Variants in HECW1 observed in about 807,000 individuals in gnomAD.
HECW1 encodes E3 ubiquitin-protein ligase HECW1.
A neutral mutation model predicts 182.3 loss-of-function variants in HECW1; 61 were observed. The ratio of observed to expected loss-of-function variants is 0.33; its 90% CI spans 0.27 to 0.41. HECW1 has a LOEUF of 0.41. HECW1 is among the 10% of genes least tolerant of loss of function. HECW1 has a pLI of 1.00. For synonymous variants in HECW1, 859 were observed against 832.6 expected, an observed-to-expected ratio of 1.03 and a Z score of -0.55; for missense variants, 1,739 against 2,108.9, an observed-to-expected ratio of 0.82 and a Z score of 3.44.
chr7:43,559,082 G>A (rs1336276316), intron 29 of HECW1, among the ~76,000 whole-genome samples: 2 of 152,194 alleles, frequency 1.3e-5, no homozygotes, highest in African/African-American at 2.4e-5. Flanking sequence ...CCTTAAAGTG[G>A]TCTCTAGTAG....
chr7:43,397,825 G>A (rs929693827), intron 7 of HECW1, among the ~76,000 whole-genome samples: 3 of 151,650 alleles, frequency 2.0e-5, no homozygotes, highest in Non-Finnish European at 3.0e-5. Context: ...GCAGGTCACA[G>A]GGCATATGAT....
chr7:43,289,988 CG>C (rs1805186621), intron 3 of HECW1, among the ~76,000 whole-genome samples: 1 of 152,150 alleles, frequency 6.6e-6, no homozygotes, highest in African/African-American at 2.4e-5. Flanking sequence ...TAGGATAAAG[CG>C]GGTTGTGGAG....
chr7:43,242,419 A>G (rs984354298), intron 2 of HECW1, among the ~76,000 whole-genome samples: 4 of 152,180 alleles, frequency 2.6e-5, no homozygotes, highest in African/African-American at 9.7e-5. Flanking sequence ...ATGAAGAAAG[A>G]GGACTGGAGA....
At chr7:43,208,901 G>A (rs897271329) in intron 2 of HECW1, among the ~76,000 whole-genome samples, 1 of 152,168 alleles carries the variant, frequency 6.6e-6, no homozygotes, top group Non-Finnish European at 1.5e-5. Context: ...GCTGAGGCCC[G>A]GATCTGGCTC....
intron 5 of HECW1, among the ~76,000 whole-genome samples, chr7:43,357,424 GA>G (rs1242589001): frequency 6.6e-6 from 1 of 152,144 alleles, no homozygotes; most frequent in Non-Finnish European, 1.5e-5. Flanking sequence ...AACATGGATG[GA>G]ACTGGAGGTC....
intron 2 of HECW1, among the ~76,000 whole-genome samples, chr7:43,140,966 T>C (rs1330220098): frequency 6.6e-6 from 1 of 152,188 alleles, no homozygotes; most frequent in Non-Finnish European, 1.5e-5. Context: ...TCCTATTGGA[T>C]CAGAGCCCTG....
chr7:43,418,494 C>A (rs921684006), intron 8 of HECW1, among the ~76,000 whole-genome samples: 2 of 152,120 alleles, frequency 1.3e-5, no homozygotes, highest in Admixed American at 6.6e-5. Context: ...TCTTCAGAGT[C>A]CCACAGGTCC....
At chr7:43,233,520 G>A (rs955249889) in intron 2 of HECW1, among the ~76,000 whole-genome samples, 3 of 152,126 alleles carry the variant, frequency 2.0e-5, no homozygotes, top group African/African-American at 4.8e-5. Context: ...TTAGCAGGCC[G>A]ATGATAGATT....
intron 5 of HECW1, among the ~76,000 whole-genome samples, chr7:43,339,448 C>T (rs985449904): frequency 2.6e-5 from 4 of 152,132 alleles, no homozygotes; most frequent in African/African-American, 9.7e-5. Context: ...TAATAAAATC[C>T]TCATTTGATT....
chr7:43,139,018 A>C (rs1787875041), intron 2 of HECW1, among the ~76,000 whole-genome samples: 2 of 152,172 alleles, frequency 1.3e-5, no homozygotes, highest in Non-Finnish European at 2.9e-5. Flanking sequence ...AATAACATTT[A>C]GTATTTTAGC....
intron 2 of HECW1, among the ~76,000 whole-genome samples, chr7:43,218,936 G>A (rs993361064): frequency 6.6e-6 from 1 of 152,200 alleles, no homozygotes; most frequent in African/African-American, 2.4e-5. Flanking sequence ...GACAGAGAGA[G>A]CAGTGCCGGG....
chr7:43,462,009 A>C (rs566494619), intron 13 of HECW1, among the ~76,000 whole-genome samples: 10 of 152,366 alleles, frequency 6.6e-5, no homozygotes, highest in Admixed American at 5.9e-4. Context: ...ATGCTCTTGC[A>C]AATGGCTGGA....
chr7:43,522,958 C>T (rs2080565737), intron 24 of HECW1: 1 of 405,550 alleles, frequency 2.5e-6, no homozygotes, highest in South Asian at 1.8e-5. Flanking sequence ...CTTCCGCCTA[C>T]TCTTTGTACT....
Position 43,456,412 on chromosome 7 carries a change from G to A in HECW1, c.2616G>A (p.Ser872=), listed in dbSNP as rs781748081. ...AAATPDGMRR[S]GSIQQMEQLN... ...CCACCCCGGATGGCATGCGGAGATC[G>A]GGGTCCATCCAGCAGATGGAGCAAC... Residue 872 remains serine (S), a synonymous_variant, in exon 13 of 30, where the codon TCG becomes TCA. Transcript: ENST00000395891. The A allele has an allele frequency of 7.4e-6, 12 of 1,613,914 alleles. No homozygotes were observed. The highest frequency in any genetic ancestry group is 2.2e-5 in the South Asian group (2 of 91,026).
At chr7:43,145,327 G>A (rs575780557) in intron 2 of HECW1, among the ~76,000 whole-genome samples, 10 of 152,148 alleles carry the variant, frequency 6.6e-5, no homozygotes, top group African/African-American at 1.9e-4. Context: ...ACAGGGTCTC[G>A]CTGTCTTGCC....
intron 2 of HECW1, among the ~76,000 whole-genome samples, chr7:43,152,021 A>G (rs1347968731): frequency 6.6e-6 from 1 of 152,220 alleles, no homozygotes; most frequent in East Asian, 1.9e-4. Flanking sequence ...AGATCAACCT[A>G]AAGTGTCATC....
At chr7:43,437,937 T>C in intron 8 of HECW1, 66 bp from the exon 9 acceptor site, 1 of 1,523,380 alleles carries the variant, frequency 6.6e-7, no homozygotes. Flanking sequence ...TCAAGGCAGA[T>C]GGACTGGGAA....
intron 21 of HECW1, among the ~76,000 whole-genome samples, chr7:43,503,264 A>G (rs1181904643): frequency 2.0e-5 from 3 of 152,112 alleles, no homozygotes; most frequent in East Asian, 1.9e-4. Flanking sequence ...CACTTTTAGC[A>G]CTCATAGGAT....
chr7:43,266,309 C>T (rs1477812223), intron 3 of HECW1, among the ~76,000 whole-genome samples: 1 of 152,096 alleles, frequency 6.6e-6, no homozygotes, highest in Non-Finnish European at 1.5e-5. Flanking sequence ...ACTTCTCTCA[C>T]TCAGGAAGTG....
Sources: allele counts gnomAD v4.1 joint callset (sites outside exome capture counted in the v4.1 genomes callset), GRCh38; gene constraint gnomAD v4.1.1; transcripts MANE v1.5; gene names NCBI Gene and HGNC (gene_info 2026-07-23, HGNC 2026-07-21).